LSM10: variants seen among roughly 807,000 people sequenced by gnomAD.
LSM10 encodes LSM10, U7 small nuclear RNA associated.
LSM10 carries 4 observed loss-of-function variants against 5.2 expected under a neutral mutation model. That is an observed-to-expected ratio of 0.77 (90% CI 0.38 to 1.77). The LOEUF is 1.77. Among genes scored for constraint, LSM10 ranks in the 40% most tolerant of loss-of-function variants. The pLI is 0.04. For synonymous variants in LSM10, 63 were observed against 67.4 expected (o/e 0.94, Z 0.32); for missense variants, 150 against 171.6 (o/e 0.87, Z 0.70).
chr1:36,396,670 A>C (rs1647159880), intron 1 of LSM10, among the ~76,000 whole-genome samples: 1 of 152,206 alleles, frequency 6.6e-6, no homozygotes, highest in South Asian at 2.1e-4. Context: ...CTGTTATGTA[A>C]GTAGAAATTA....
At position 36,393,801 on chromosome 1, in the gene LSM10, T is replaced by C. The variant is rs765370972; in HGVS notation, c.329A>G (p.Lys110Arg). ...IIHRVRNFGG[K>R]GQGRWEFPPK... The stretch of plus-strand genomic sequence containing the variant: ...GGGAAATTCCCACCGGCCTTGGCCC[T>C]TGCCACCAAAGTTTCGCACCCGATG... The change falls in exon 2 of 2, where the codon AAG (lysine) becomes AGG (arginine). Residue 110 changes from lysine (K) to arginine (R), a missense_variant. By Grantham distance (26) the Lys-to-Arg change is conservative (BLOSUM62 2). Coordinates refer to ENST00000315732, the MANE Select transcript of LSM10 (RefSeq NM_032881.3). 8.7e-5 allele frequency: 140 copies of C among 1,614,134 alleles called. No individual in the cohort carries two copies. Among genetic ancestry groups the C allele is most frequent in the Non-Finnish European group, 1.1e-4 (134 of 1,180,042 alleles).
In LSM10 at chr1:36,393,989, A is replaced by T. The variant is rs1326937837; in HGVS notation, c.141T>A (p.Asp47Glu). 5 of 1,614,112 alleles carry T rather than the reference A, an allele frequency of 3.1e-6. No individual in the cohort carries two copies. Among genetic ancestry groups the T allele is most frequent in the Non-Finnish European group, 4.2e-6 (5 of 1,180,038 alleles). Reference protein sequence around the residue: ...SVAHGRIDNVDAFMNIRLAKV... With the variant: ...SVAHGRIDNVEAFMNIRLAKV... Reference sequence around the variant, plus strand: ...TGGCCAGGCGGATGTTCATGAAAGCATCGACATTGTCTATGCGTCCGTGGG... The same window carrying T: ...TGGCCAGGCGGATGTTCATGAAAGCTTCGACATTGTCTATGCGTCCGTGGG... Residue 47 changes from aspartate (D) to glutamate (E), a missense_variant, in exon 2 of 2, where the codon GAT becomes GAA. Transcript: ENST00000315732.
chr1:36,394,124 CGCCATTCT>C lies in LSM10; in HGVS notation c.-3_5del. On this transcript the variant is annotated start_lost and 5_prime_UTR_variant, in exon 2 of 2. Transcript: ENST00000315732. ...TCCGCTCCTTCACTGAATGGCTCAC[CGCCATTCT>C]TCCACACCAGCTGCCTGCTTGCTGT... 1 of 1,607,980 alleles carries C rather than the reference CGCCATTCT, an allele frequency of 6.2e-7. No homozygotes were observed. Among genetic ancestry groups the C allele is most frequent in the African/African-American group, 1.3e-5 (1 of 74,964 alleles).
rs781654746 is a variant in LSM10 at position 36,393,736 on chromosome 1, G to A, written c.*22C>T. 1 of 1,610,434 alleles carries A rather than the reference G, an allele frequency of 6.2e-7. No homozygotes were observed. Among genetic ancestry groups the A allele is most frequent in the South Asian group, 1.1e-5 (1 of 90,866 alleles). ...GAGATCACTGGAGGACTCCGAGTTGGGGCCAGGGCTTGCTGAGGGCCTCAC... is the reference window on the plus strand; with the variant it reads ...GAGATCACTGGAGGACTCCGAGTTGAGGCCAGGGCTTGCTGAGGGCCTCAC... On this transcript the variant is annotated 3_prime_UTR_variant, in exon 2 of 2. Transcript: ENST00000315732.
chr1:36,396,777 G>A (rs1469501794), intron 1 of LSM10, among the ~76,000 whole-genome samples: 2 of 152,150 alleles, frequency 1.3e-5, no homozygotes, highest in Non-Finnish European at 1.5e-5. Context: ...TTCAAGACCC[G>A]CCTGGCCAAC....
chr1:36,394,158 G>T lies in LSM10; in HGVS notation c.-24-5C>A. On this transcript the variant is annotated splice_region_variant and splice_polypyrimidine_tract_variant and intron_variant, in intron 1 of 1. Transcript: ENST00000315732. ...TCCACACCAGCTGCCTGCTTGCTGT[G>T]GACAGGAGCACACAGATGGCAGCTA... is the stretch of plus-strand genomic sequence containing the variant. 6.3e-7 allele frequency: 1 copy of T among 1,595,098 alleles called. No individual in the cohort carries two copies.
At position 36,394,153 on chromosome 1, in the gene LSM10, G is replaced by T; in HGVS notation, c.-24C>A. On this transcript the variant is annotated splice_region_variant and 5_prime_UTR_variant, in exon 2 of 2. Coordinates refer to ENST00000315732, the MANE Select transcript of LSM10 (RefSeq NM_032881.3). Reference sequence around the variant, plus strand: ...ATTCTTCCACACCAGCTGCCTGCTTGCTGTGGACAGGAGCACACAGATGGC... The same window carrying T: ...ATTCTTCCACACCAGCTGCCTGCTTTCTGTGGACAGGAGCACACAGATGGC... The T allele has an allele frequency of 1.3e-6, 2 of 1,598,478 alleles. No individual in the cohort carries two copies. Among genetic ancestry groups the T allele is most frequent in the Non-Finnish European group, 1.7e-6 (2 of 1,173,348 alleles).
At chr1:36,394,774 G>C (rs1212917290) in intron 1 of LSM10, among the ~76,000 whole-genome samples, 1 of 144,648 alleles carries the variant, frequency 6.9e-6, no homozygotes, top group Non-Finnish European at 1.5e-5. Flanking sequence ...TCGCGGCAGA[G>C]TGACTCCGTC....
At chr1:36,394,682 G>A (rs555537085) in intron 1 of LSM10, among the ~76,000 whole-genome samples, 2 of 152,074 alleles carry the variant, frequency 1.3e-5, no homozygotes, top group Non-Finnish European at 1.5e-5. Flanking sequence ...GTGACAGCGG[G>A]CGCCTGTAGT....
At chr1:36,394,565 G>A (rs557881364) in intron 1 of LSM10, among the ~76,000 whole-genome samples, 6 of 152,088 alleles carry the variant, frequency 3.9e-5, no homozygotes, top group African/African-American at 1.4e-4. Flanking sequence ...CCAGCACTTC[G>A]AGAGGCTGAG....
In LSM10 at chr1:36,394,014, G is replaced by C; in HGVS notation, c.116C>G (p.Ala39Gly). The change falls in exon 2 of 2, where the codon GCC (alanine) becomes GGC (glycine). Residue 39 changes from alanine to glycine, a missense_variant. Coordinates refer to ENST00000315732, the MANE Select transcript of LSM10 (RefSeq NM_032881.3). The part of the protein sequence containing the change: ...TTVDLRDESV[A>G]HGRIDNVDAF... ...ATCGACATTGTCTATGCGTCCGTGGGCCACGCTCTCATCCCGCAGGTCCAC... is the reference window on the plus strand; with the variant it reads ...ATCGACATTGTCTATGCGTCCGTGGCCCACGCTCTCATCCCGCAGGTCCAC... 6.2e-7 allele frequency: 1 copy of C among 1,614,222 alleles called. No homozygotes were observed. The highest frequency in any genetic ancestry group is 8.5e-7 in the Non-Finnish European group (1 of 1,180,042).
Position 36,393,641 on chromosome 1 carries a change from C to T in LSM10, c.*117G>A, listed in dbSNP as rs550118995. The T allele has an allele frequency of 1.2e-5, 17 of 1,425,262 alleles. No individual in the cohort carries two copies. The East Asian group carries it at 3.2e-4, about 27-fold the overall frequency. 88.3% of individuals were successfully genotyped at this position (1,425,262 alleles called of 1,614,324 possible). On this transcript the variant is annotated 3_prime_UTR_variant, in exon 2 of 2. Transcript: ENST00000315732. ...TTTGACAGGTGGTGTCTGTTGGACA[C>T]CAGCTTCTGGCCTGGCCCTGCTTTC...
At position 36,393,849 on chromosome 1, in the gene LSM10, A is replaced by G; in HGVS notation, c.281T>C (p.Ile94Thr). The G allele has an allele frequency of 6.2e-7, 1 of 1,614,204 alleles. No individual in the cohort carries two copies. Among genetic ancestry groups the G allele is most frequent in the Non-Finnish European group, 8.5e-7 (1 of 1,180,030 alleles). ...IPDDVNITST[I>T]EQQLQIIHRV... ...ATGGATAATCTGCAGCTGCTGCTCA[A>G]TGGTCGAGGTGATGTTCACGTCATC... Residue 94 changes from isoleucine to threonine, a missense_variant, in exon 2 of 2, where the codon ATT (isoleucine) becomes ACT (threonine). Ile to Thr is a moderately conservative substitution (Grantham distance 89). Transcript: ENST00000315732.
intron 1 of LSM10, among the ~76,000 whole-genome samples, chr1:36,394,765 C>T (rs185614656): frequency 1.6e-4 from 23 of 144,822 alleles, no homozygotes; most frequent in Non-Finnish European, 2.7e-4. Context: ...AAGCCAAGAT[C>T]GCGGCAGAGT....
intron 1 of LSM10, 35 bp from the exon 2 acceptor site, chr1:36,394,188 AG>A (rs1234996573): frequency 1.6e-4 from 255 of 1,559,794 alleles, no homozygotes; most frequent in Non-Finnish European, 1.1e-4. Context: ...CAGCTATAGC[AG>A]GGTAGGGGGT....
In LSM10 at chr1:36,394,083, C is replaced by G. The variant is rs1261234497; in HGVS notation, c.47G>C (p.Ser16Thr). ...SVKERTISEN[S>T]LIILLQGLQG... ...GAGGCCCTGCAGTAGGATGATCAGG[C>G]TGTTCTCAGAGATGGTCCGCTCCTT... Residue 16 changes from serine (S) to threonine (T), a missense_variant, in exon 2 of 2, where the codon AGC becomes ACC. Transcript: ENST00000315732. 1 of 1,613,924 alleles carries G rather than the reference C, an allele frequency of 6.2e-7. No homozygotes were observed. Among genetic ancestry groups the G allele is most frequent in the African/African-American group, 1.3e-5 (1 of 74,936 alleles).
At chr1:36,397,729 C>T (rs1469021864) in intron 1 of LSM10, 38 bp downstream of exon 1, 1 of 152,166 alleles carries the variant, frequency 6.6e-6, no homozygotes, top group East Asian at 1.9e-4. Flanking sequence ...CCCCCGCATT[C>T]CGCCCCGGGG....
At chr1:36,394,177 G>A (rs1647142317) in intron 1 of LSM10, 24 bp from the exon 2 acceptor site, 4 of 1,572,336 alleles carry the variant, frequency 2.5e-6, no homozygotes, top group Non-Finnish European at 3.4e-6. Context: ...CACACAGATG[G>A]CAGCTATAGC....
At chr1:36,394,259 T>C (rs1227275666) in intron 1 of LSM10, 106 bp from the exon 2 acceptor site, 2 of 1,051,610 alleles carry the variant, frequency 1.9e-6, no homozygotes, top group African/African-American at 3.2e-5. Context: ...AGACCACCTC[T>C]GCAATTTTTG....
Sources: gnomAD v4.1 joint callset for allele counts (sites outside exome capture counted in the v4.1 genomes callset) on GRCh38, gnomAD v4.1.1 for gene constraint, MANE v1.5 for transcripts, NCBI Gene and HGNC (gene_info 2026-07-23, HGNC 2026-07-21) for gene names.